C16orf78: variants seen among roughly 807,000 people sequenced by gnomAD.
C16orf78 encodes uncharacterized protein C16orf78.
In C16orf78, 19 loss-of-function variants were observed where a neutral mutation model predicts 27.3. The ratio of observed to expected loss-of-function variants is 0.70; its 90% CI spans 0.49 to 1.02. The LOEUF (loss-of-function observed/expected upper bound fraction) is 1.02. C16orf78 is among the 50% of genes least tolerant of loss of function. The probability of loss-of-function intolerance (pLI) is 0.00; values close to 1 mark genes in which losing one functional copy is unlikely to be tolerated. For missense variants in C16orf78, 339 were observed against 337.0 expected, an observed-to-expected ratio of 1.01 and a Z score of -0.05; for synonymous variants, 130 against 116.1, an observed-to-expected ratio of 1.12 and a Z score of -0.77.
intron 3 of C16orf78, among the ~76,000 whole-genome samples, chr16:49,388,804 C>T (rs1182040564): frequency 1.3e-5 from 2 of 152,118 alleles, no homozygotes; most frequent in African/African-American, 4.8e-5. Context: ...ACCCCTTGTG[C>T]CCAGCAAAAT....
At chr16:49,376,756 C>T (rs183611213) in intron 1 of C16orf78, among the ~76,000 whole-genome samples, 2 of 152,220 alleles carry the variant, frequency 1.3e-5, no homozygotes, top group Admixed American at 1.3e-4. Flanking sequence ...CTCTCAGTAA[C>T]CTTATGAAGT....
intron 3 of C16orf78, among the ~76,000 whole-genome samples, chr16:49,394,280 T>C (rs1285386308): frequency 6.6e-6 from 1 of 152,050 alleles, no homozygotes; most frequent in Admixed American, 6.6e-5. Flanking sequence ...ATAATATAAA[T>C]GCGAAAATCT....
intron 3 of C16orf78, among the ~76,000 whole-genome samples, chr16:49,386,919 G>A (rs1965358327): frequency 6.6e-6 from 1 of 152,178 alleles, no homozygotes; most frequent in South Asian, 2.1e-4. Context: ...GTGTGCATGT[G>A]TCTTTATGGT....
intron 3 of C16orf78, among the ~76,000 whole-genome samples, chr16:49,392,352 C>T (rs1357890085): frequency 6.6e-6 from 1 of 152,206 alleles, no homozygotes; most frequent in African/African-American, 2.4e-5. Flanking sequence ...ATTCCTTCAT[C>T]TGCAGAAAAT....
Position 49,399,230 on chromosome 16 carries a change from C to T in C16orf78, c.750C>T (p.Asp250=), listed in dbSNP as rs776787656. ...VDIHPHMVEE[D]IDAKKVFTGI... ...TCCACCCCCACATGGTCGAAGAGGA[C>T]ATAGATGCTAAAAAGGTGTTCACCG... Residue 250 remains aspartate, a synonymous_variant, in exon 5 of 5, where the codon GAC becomes GAT. Coordinates refer to ENST00000299191, the MANE Select transcript of C16orf78 (RefSeq NM_144602.4). 8 of 1,614,060 alleles carry T rather than the reference C, an allele frequency of 5.0e-6. No homozygotes were observed. Among genetic ancestry groups the T allele is most frequent in the Admixed American group, 1.7e-5 (1 of 60,004 alleles).
chr16:49,375,211 C>T (rs1033319055), intron 1 of C16orf78, among the ~76,000 whole-genome samples: 4 of 152,142 alleles, frequency 2.6e-5, no homozygotes, highest in Non-Finnish European at 5.9e-5. Context: ...GACTCCTCTG[C>T]TTTATCCAGG....
At chr16:49,383,968 A>T (rs889722328) in intron 3 of C16orf78, among the ~76,000 whole-genome samples, 6 of 152,238 alleles carry the variant, frequency 3.9e-5, no homozygotes, top group African/African-American at 1.4e-4. Flanking sequence ...ACATTCACCG[A>T]GCTACAAGGA....
At chr16:49,387,803 T>C (rs1432103841) in intron 3 of C16orf78, among the ~76,000 whole-genome samples, 1 of 152,196 alleles carries the variant, frequency 6.6e-6, no homozygotes, top group African/African-American at 2.4e-5. Flanking sequence ...GGTGTATGTG[T>C]CCAGTAATTT....
intron 3 of C16orf78, among the ~76,000 whole-genome samples, chr16:49,394,623 T>A (rs1302344117): frequency 6.6e-6 from 1 of 152,106 alleles, no homozygotes; most frequent in Non-Finnish European, 1.5e-5. Flanking sequence ...CCCAAATTAC[T>A]TAAAATCAGG....
intron 2 of C16orf78, among the ~76,000 whole-genome samples, chr16:49,378,212 C>T (rs950159703): frequency 6.6e-6 from 1 of 152,182 alleles, no homozygotes; most frequent in East Asian, 1.9e-4. Flanking sequence ...ACCTAATGGC[C>T]TCCGAGGGCC....
rs760259078 is a variant in C16orf78 at position 49,396,597 on chromosome 16, T to C, written c.569T>C (p.Leu190Pro). ...KMPDMAYERK[L>P]KSLMEKSTEP... is the part of the protein sequence containing the mutation. Reference sequence around the variant, plus strand: ...CCTGACATGGCTTACGAACGCAAGCTAAAGAGCCTCATGGAGAAAAGCACC... The same window carrying C: ...CCTGACATGGCTTACGAACGCAAGCCAAAGAGCCTCATGGAGAAAAGCACC... The change falls in exon 4 of 5, where the codon CTA becomes CCA. Residue 190 changes from leucine to proline, a missense_variant. By Grantham distance (98) the Leu-to-Pro change is moderately conservative (BLOSUM62 -3). Coordinates refer to ENST00000299191, the MANE Select transcript of C16orf78 (RefSeq NM_144602.4). 2 of 1,613,904 alleles carry C rather than the reference T, an allele frequency of 1.2e-6. No individual in the cohort carries two copies. The highest frequency in any genetic ancestry group is 2.2e-5 in the East Asian group (1 of 44,870).
intron 3 of C16orf78, among the ~76,000 whole-genome samples, chr16:49,388,006 C>A (rs948224576): frequency 6.6e-6 from 1 of 152,038 alleles, no homozygotes; most frequent in Non-Finnish European, 1.5e-5. Context: ...AAAACCAGGC[C>A]AGCTGTGGTG....
rs917017472 is a variant in C16orf78 at position 49,396,683 on chromosome 16, G to C, written c.650+5G>C. 9 of 1,604,736 alleles carry C rather than the reference G, an allele frequency of 5.6e-6. No individual in the cohort carries two copies. The highest frequency in any genetic ancestry group is 5.3e-5 in the African/African-American group (4 of 75,036). On this transcript the variant is annotated splice_donor_5th_base_variant and intron_variant, in intron 4 of 4. Transcript: ENST00000299191. ...AGAGGAGGTGCTGAGCTGCCGGTGA[G>C]AGCTGCCACCCCCTGGGCAGATGGG...
intron 3 of C16orf78, 26 bp from the exon 4 acceptor site, chr16:49,396,397 C>G (rs1832797715): frequency 6.2e-7 from 1 of 1,612,420 alleles, no homozygotes; most frequent in Non-Finnish European, 8.5e-7. Flanking sequence ...CGGTCTAACT[C>G]TTTGATGGCA....
At chr16:49,377,875 T>G (rs1235917862) in intron 2 of C16orf78, 25 bp downstream of exon 2, 1 of 1,554,780 alleles carries the variant, frequency 6.4e-7, no homozygotes, top group South Asian at 1.2e-5. Flanking sequence ...CTTCCCCCAC[T>G]CACCCCCACT....
rs758124337 is a variant in C16orf78, at chr16:49,378,499, C to T, written c.300C>T (p.Ala100=). The T allele has an allele frequency of 1.1e-5, 17 of 1,600,968 alleles. No homozygotes were observed. Among genetic ancestry groups the T allele is most frequent in the Middle Eastern group, 1.6e-4 (1 of 6,068 alleles). Residue 100 remains alanine (A), a synonymous_variant, in exon 3 of 5, where the codon GCC becomes GCT. Coordinates refer to ENST00000299191, the MANE Select transcript of C16orf78 (RefSeq NM_144602.4). ...TAGGAAAGAGATTCAGGAAGGACGC[C>T]GCCTCCTACCGAAGCCTCTATGGAG... ...QALGKRFRKD[A]ASYRSLYGVE...
At chr16:49,395,867 A>G (rs909389283) in intron 3 of C16orf78, among the ~76,000 whole-genome samples, 6 of 152,106 alleles carry the variant, frequency 3.9e-5, no homozygotes, top group Non-Finnish European at 8.8e-5. Context: ...AAATAAGCAG[A>G]AAGGGGGAAG....
At position 49,393,893 on chromosome 16, in the gene C16orf78, G is replaced by A. The variant is rs558129939; in HGVS notation, c.395-2530G>A. Among the ~76,000 whole-genome samples, 104 of 152,140 alleles carry A rather than the reference G, an allele frequency of 6.8e-4. 2 individuals carry two copies. The highest frequency in any genetic ancestry group is 2.4e-3 in the African/African-American group (99 of 41,544). ...AGAGTAAAAATACACAAGATTTTAT[G>A]TGAGAAAGGATGCAAATAAAATAAA... On this transcript the variant is annotated intron_variant, in intron 3 of 4. Transcript: ENST00000299191.
intron 3 of C16orf78, among the ~76,000 whole-genome samples, chr16:49,379,407 C>G (rs954221661): frequency 6.8e-6 from 1 of 147,546 alleles, no homozygotes; most frequent in African/African-American, 2.6e-5. Context: ...CCAATTAGCC[C>G]AGGAGAAAAG....
Sources: allele counts gnomAD v4.1 joint callset (sites outside exome capture counted in the v4.1 genomes callset), GRCh38; gene constraint gnomAD v4.1.1; transcripts MANE v1.5; gene names NCBI Gene and HGNC (gene_info 2026-07-23, HGNC 2026-07-21).